The following IP6K3 variants were observed in gnomAD, a reference collection of about 807,000 sequenced individuals.
The protein encoded by IP6K3 is ATP:1D-myo-inositol-hexakisphosphate phosphotransferase.
IP6K3 carries 20 observed loss-of-function variants against 28.8 expected under a neutral mutation model. The observed-to-expected ratio is 0.70, with a 90% CI of 0.49 to 1.01. IP6K3 has a LOEUF of 1.01. Among genes scored for constraint, IP6K3 ranks in the 50% least tolerant of loss-of-function variants. IP6K3 has a pLI of 0.00. For synonymous variants in IP6K3, 213 were observed against 221.3 expected (o/e 0.96, Z 0.33); for missense variants, 480 against 537.1 (o/e 0.89, Z 1.05).
Position 33,735,257 on chromosome 6 carries a change from C to T in IP6K3, c.199+21G>A, listed in dbSNP as rs1175132857. The T allele has an allele frequency of 2.5e-6, 4 of 1,602,642 alleles. No individual in the cohort carries two copies. The African/African-American group carries it at 4.0e-5, about 16-fold the overall frequency. ...CCCGTGTGGCAGCACCCAGACGTGG[C>T]CTGGCTGCCTAGACACTCACCTTTG... On this transcript the variant is annotated intron_variant, in intron 2 of 5. Transcript: ENST00000293756.
At position 33,746,201 on chromosome 6, in the gene IP6K3, A is replaced by G. The variant is rs1766901835; in HGVS notation, c.-180+557T>C. On this transcript the variant is annotated intron_variant, in intron 1 of 5. Transcript: ENST00000293756. The surrounding 1 kb of genome is among the most constrained non-coding windows in gnomAD (Gnocchi z 6.5). ...CCCCATGACCGCCATCCCGTGGTCT[A>G]CCACCACCCTGCACCAGGCCCCAGG... 6.6e-6 allele frequency among the ~76,000 whole-genome samples: 1 copy of G among 151,980 alleles called. No homozygotes were observed. Among genetic ancestry groups the G allele is most frequent in the African/African-American group, 2.4e-5 (1 of 41,362 alleles).
chr6:33,725,251 A>G (rs1472993886), intron 5 of IP6K3, among the ~76,000 whole-genome samples, 190 bp downstream of exon 5: 1 of 151,902 alleles, frequency 6.6e-6, no homozygotes, highest in Non-Finnish European at 1.5e-5. Flanking sequence ...AAAAAATAGA[A>G]AAAAGAAAAT....
At chr6:33,741,718 AAGGTGGGCGGATCACCTG>A (rs1766730965) in intron 1 of IP6K3, among the ~76,000 whole-genome samples, 1 of 150,378 alleles carries the variant, frequency 6.6e-6, no homozygotes, top group Non-Finnish European at 1.5e-5. Context: ...TTGGGAGGCC[AAGGTGGGCGGATCACCTG>A]AGGTCAGGAG....
chr6:33,744,990 C>T lies in IP6K3; in HGVS notation c.-180+1768G>A, dbSNP rs574678538. 4.8e-4 allele frequency among the ~76,000 whole-genome samples: 73 copies of T among 152,342 alleles called. No individual in the cohort carries two copies. Among genetic ancestry groups the T allele is most frequent in the Non-Finnish European group, 9.4e-4 (64 of 68,026 alleles). ...TCCATCCCGCCCAGGCTGTGGCACC[C>T]TGGTGGGTGGGTGAGGCCTCTCAGC... is the stretch of plus-strand genomic sequence containing the variant. On this transcript the variant is annotated intron_variant, in intron 1 of 5. Coordinates refer to ENST00000293756, the MANE Select transcript of IP6K3 (RefSeq NM_054111.5). This position sits in a 1 kb window ranked among gnomAD's most constrained non-coding sequence, Gnocchi z 4.4.
intron 2 of IP6K3, among the ~76,000 whole-genome samples, chr6:33,734,601 A>C (rs1315779514): frequency 6.6e-6 from 1 of 152,142 alleles, no homozygotes; most frequent in Admixed American, 6.5e-5. Flanking sequence ...CCTCACTTTC[A>C]GAAGGCTGGG....
At chr6:33,751,969 G>T in the IP6K3 span, among the ~76,000 whole-genome samples, 1 of 152,176 alleles carries the variant, frequency 6.6e-6, no homozygotes, top group African/African-American at 2.4e-5. The surrounding 1 kb of genome is among the most constrained non-coding windows in gnomAD (Gnocchi z 4.3). Flanking sequence ...GCAGCGCTGG[G>T]TCATTCATCC....
upstream of IP6K3, among the ~76,000 whole-genome samples, chr6:33,751,677 A>C (rs1306068177): frequency 2.0e-5 from 3 of 152,146 alleles, no homozygotes; most frequent in Non-Finnish European, 2.9e-5. This position sits in a 1 kb window ranked among gnomAD's most constrained non-coding sequence, Gnocchi z 4.3. Context: ...GGGAGGGGCC[A>C]TCATTCCCCT....
chr6:33,753,172 C>T, the IP6K3 span, among the ~76,000 whole-genome samples: 2 of 152,302 alleles, frequency 1.3e-5, no homozygotes, highest in East Asian at 3.9e-4. Context: ...CCTGCCCTGG[C>T]CTCCCAAAGT....
At chr6:33,755,176 C>A in the IP6K3 span, among the ~76,000 whole-genome samples, 1 of 152,226 alleles carries the variant, frequency 6.6e-6, no homozygotes, top group Admixed American at 6.5e-5. Context: ...TTTAGCCTAG[C>A]TGTGCCCCAA....
At position 33,725,536 on chromosome 6, in the gene IP6K3, C is replaced by T. The variant is rs745744083; in HGVS notation, c.670G>A (p.Gly224Ser). 8.7e-6 allele frequency: 14 copies of T among 1,614,172 alleles called. No homozygotes were observed. Among genetic ancestry groups the T allele is most frequent in the East Asian group, 2.2e-5 (1 of 44,886 alleles). Residue 224 changes from glycine to serine, a missense_variant, in exon 5 of 6, where the codon GGC (glycine) becomes AGC (serine). By Grantham distance (56) the Gly-to-Ser change is moderately conservative. Transcript: ENST00000293756. ...TTCTTCTCCTCCGATGCATCATCGC[C>T]GTGCTGCCGGGTCCCCATCTTCAGA... ...LDLKMGTRQHGDDASEEKKAR... is the reference protein window; with the variant it reads ...LDLKMGTRQHSDDASEEKKAR...
upstream of IP6K3, among the ~76,000 whole-genome samples, chr6:33,748,861 GATCC>G (rs1766982055): frequency 6.6e-6 from 1 of 151,864 alleles, no homozygotes; most frequent in African/African-American, 2.4e-5. Flanking sequence ...GTGGGGTGGG[GATCC>G]GATCCTCCCC....
chr6:33,754,393 C>T, the IP6K3 span, among the ~76,000 whole-genome samples: 1 of 152,050 alleles, frequency 6.6e-6, no homozygotes, highest in South Asian at 2.1e-4. Context: ...GGCGGCCACG[C>T]GTGTTATTTA....
Position 33,737,369 on chromosome 6 carries a change from A to G in IP6K3, c.-179-1714T>C, listed in dbSNP as rs189220359. On this transcript the variant is annotated intron_variant, in intron 1 of 5. Coordinates refer to ENST00000293756, the MANE Select transcript of IP6K3 (RefSeq NM_054111.5). Reference sequence around the variant, plus strand: ...CGGTGCCCTGAGAGCACATTCCCACAGTGGTGCCTGTCACCACCGAGTTAT... The same window carrying G: ...CGGTGCCCTGAGAGCACATTCCCACGGTGGTGCCTGTCACCACCGAGTTAT... 3.2e-3 allele frequency among the ~76,000 whole-genome samples: 490 copies of G among 152,186 alleles called. 1 individual carries two copies. The highest frequency in any genetic ancestry group is 0.01 in the African/African-American group (431 of 41,508).
At chr6:33,755,933 C>T in the IP6K3 span, among the ~76,000 whole-genome samples, 1 of 152,224 alleles carries the variant, frequency 6.6e-6, no homozygotes, top group Non-Finnish European at 1.5e-5. Flanking sequence ...GGTGCAATCT[C>T]AGCTCACTGC....
chr6:33,744,794 G>A lies in IP6K3; in HGVS notation c.-180+1964C>T, dbSNP rs577509792. On this transcript the variant is annotated intron_variant, in intron 1 of 5. Transcript: ENST00000293756. The surrounding 1 kb of genome is among the most constrained non-coding windows in gnomAD (Gnocchi z 4.4). ...GAAAAGCTCAGAAGCCATCATTGAG[G>A]TTGGATTCTCCCCATAACGTTCTAT... 3.9e-5 allele frequency among the ~76,000 whole-genome samples: 6 copies of A among 152,184 alleles called. No homozygotes were observed. The highest frequency in any genetic ancestry group is 6.5e-5 in the Admixed American group (1 of 15,280).
intron 4 of IP6K3, among the ~76,000 whole-genome samples, chr6:33,725,932 T>C (rs966706959): frequency 1.7e-4 from 26 of 152,214 alleles, no homozygotes; most frequent in African/African-American, 6.3e-4. Flanking sequence ...CCAATTTACA[T>C]TTTACGGCAG....
In IP6K3 at chr6:33,742,058, C is replaced by G. The variant is rs1313607679; in HGVS notation, c.-180+4700G>C. ...ACAAACATATCCTATATCATAGTCA[C>G]TCCTAAGGGTCAACTCTGGACCCCT... On this transcript the variant is annotated intron_variant, in intron 1 of 5. Coordinates refer to ENST00000293756, the MANE Select transcript of IP6K3 (RefSeq NM_054111.5). This position sits in a 1 kb window ranked among gnomAD's most constrained non-coding sequence, Gnocchi z 4.5. Among the ~76,000 whole-genome samples, 2 of 152,126 alleles carry G rather than the reference C, an allele frequency of 1.3e-5. No individual in the cohort carries two copies. The highest frequency in any genetic ancestry group is 2.4e-5 in the African/African-American group (1 of 41,434).
At chr6:33,748,312 C>G (rs1433536910), upstream of IP6K3, among the ~76,000 whole-genome samples, 1 of 152,016 alleles carries the variant, frequency 6.6e-6, no homozygotes, top group African/African-American at 2.4e-5. Flanking sequence ...CCAGGACGGC[C>G]CCTTCTCCCT....
chr6:33,751,777 C>T (rs893826777), upstream of IP6K3, among the ~76,000 whole-genome samples: 4 of 152,180 alleles, frequency 2.6e-5, no homozygotes, highest in African/African-American at 7.2e-5. This position sits in a 1 kb window ranked among gnomAD's most constrained non-coding sequence, Gnocchi z 4.3. Flanking sequence ...CGGCAGCCCT[C>T]GGTCACACCT....
Sources: allele counts gnomAD v4.1 joint callset (sites outside exome capture counted in the v4.1 genomes callset), GRCh38; gene constraint gnomAD v4.1.1; non-coding constraint Gnocchi (gnomAD v3.1); transcripts MANE v1.5; gene names NCBI Gene and HGNC (gene_info 2026-07-23, HGNC 2026-07-21).